Variants in PLCB4 observed in about 807,000 individuals in gnomAD.
PLCB4 encodes phospholipase C beta 4, also known as 1-phosphatidylinositol 4,5-bisphosphate phosphodiesterase beta-4.
Under a neutral mutation model 178.8 loss-of-function variants are expected in PLCB4, and 77 were observed. The observed-to-expected ratio is 0.43, with a 90% confidence interval of 0.36 to 0.52. The LOEUF (loss-of-function observed/expected upper bound fraction) is 0.52. PLCB4 is among the 20% of genes least tolerant of loss of function. PLCB4 has a pLI of 0.00. For missense variants in PLCB4, 1,024 were observed against 1,453.4 expected, an observed-to-expected ratio of 0.70 and a Z score of 4.80; for synonymous variants, 496 against 490.8, an observed-to-expected ratio of 1.01 and a Z score of -0.14.
chr20:9,076,227 G>T (rs1288498171), intron 1 of PLCB4, among the ~76,000 whole-genome samples: 2 of 152,086 alleles, frequency 1.3e-5, no homozygotes, highest in African/African-American at 2.4e-5. Flanking sequence ...AGCACTTTGG[G>T]AGGCCGAGGT....
intron 2 of PLCB4, among the ~76,000 whole-genome samples, chr20:9,123,963 C>T (rs1420669397): frequency 6.6e-6 from 1 of 152,016 alleles, no homozygotes; most frequent in Non-Finnish European, 1.5e-5. Flanking sequence ...CAGGCAATAC[C>T]TAAGTGAGTG....
At chr20:9,463,063 G>T (rs1175368085) in intron 35 of PLCB4, among the ~76,000 whole-genome samples, 1 of 152,138 alleles carries the variant, frequency 6.6e-6, no homozygotes. Context: ...ACTAACAGCG[G>T]ACCTCTCGGC....
chr20:9,102,235 C>T (rs1264734749), intron 2 of PLCB4, among the ~76,000 whole-genome samples: 1 of 152,160 alleles, frequency 6.6e-6, no homozygotes, highest in African/African-American at 2.4e-5. Context: ...ACTAATTTTG[C>T]TTCATAAATG....
At chr20:9,364,392 C>T (rs1229676259) in intron 8 of PLCB4, among the ~76,000 whole-genome samples, 1 of 152,196 alleles carries the variant, frequency 6.6e-6, no homozygotes, top group Non-Finnish European at 1.5e-5. Flanking sequence ...AGAATGGGCT[C>T]ACCAAGGGCT....
chr20:9,085,086 T>G lies in PLCB4; in HGVS notation c.-134-11201T>G, dbSNP rs540073487. On this transcript the variant is annotated intron_variant, in intron 1 of 39. Transcript: ENST00000378473. Reference sequence around the variant, plus strand: ...AAAAAAAAGAATATATTACTTTTTCTTTTTCCAATATTATTACTTGAGTGA... The same window carrying G: ...AAAAAAAAGAATATATTACTTTTTCGTTTTCCAATATTATTACTTGAGTGA... Among the ~76,000 whole-genome samples the G allele has an allele frequency of 2.6e-5, 4 of 152,216 alleles. No homozygotes were observed. The East Asian group carries it at 7.7e-4, about 29-fold the overall frequency.
intron 2 of PLCB4, among the ~76,000 whole-genome samples, chr20:9,129,325 C>T (rs1209150170): frequency 6.6e-6 from 1 of 152,136 alleles, no homozygotes; most frequent in Non-Finnish European, 1.5e-5. Flanking sequence ...TACCAGGTCC[C>T]TTGCTTCTGG....
intron 2 of PLCB4, among the ~76,000 whole-genome samples, chr20:9,204,862 G>A (rs1003367706): frequency 1.4e-4 from 21 of 151,510 alleles, no homozygotes; most frequent in African/African-American, 4.6e-4. Flanking sequence ...ATTGAGATGT[G>A]TTGTAGCAGA....
At position 9,257,330 on chromosome 20, in the gene PLCB4, A is replaced by G. The variant is rs147634858; in HGVS notation, c.-16+39878A>G. ...ACACAAGTGAGAATAGTGTGAAAAT[A>G]AATACATTCATTTATTGGTTAAGCT... On this transcript the variant is annotated intron_variant, in intron 3 of 39. Coordinates refer to ENST00000378473, the MANE Select transcript of PLCB4 (RefSeq NM_001377142.1). Among the ~76,000 whole-genome samples, 118 of 152,328 alleles carry G rather than the reference A, an allele frequency of 7.7e-4. 2 individuals carry two copies. The highest frequency in any genetic ancestry group is 2.7e-3 in the African/African-American group (111 of 41,582).
intron 2 of PLCB4, among the ~76,000 whole-genome samples, chr20:9,129,199 G>T (rs970912836): frequency 2.0e-5 from 3 of 152,022 alleles, no homozygotes; most frequent in Non-Finnish European, 4.4e-5. Flanking sequence ...ATTTCCAACT[G>T]CCTGCATCTG....
intron 2 of PLCB4, among the ~76,000 whole-genome samples, chr20:9,100,975 T>C (rs1397457302): frequency 1.3e-5 from 2 of 152,174 alleles, no homozygotes; most frequent in African/African-American, 2.4e-5. Context: ...TTTATGTGGG[T>C]AGGCTGCCCG....
At chr20:9,478,429 T>A (rs745607819) in intron 39 of PLCB4, among the ~76,000 whole-genome samples, 32 of 152,200 alleles carry the variant, frequency 2.1e-4, no homozygotes, top group Admixed American at 4.6e-4. Flanking sequence ...AACTTCTCTA[T>A]CAATTAGATT....
chr20:9,476,355 T>C (rs1043200870), intron 38 of PLCB4, among the ~76,000 whole-genome samples: 1 of 151,728 alleles, frequency 6.6e-6, no homozygotes, highest in Non-Finnish European at 1.5e-5. Context: ...TTTCAAACAT[T>C]AACGACTCCA....
At chr20:9,301,598 A>C (rs1386785062) in intron 3 of PLCB4, among the ~76,000 whole-genome samples, 1 of 152,018 alleles carries the variant, frequency 6.6e-6, no homozygotes, top group Non-Finnish European at 1.5e-5. Flanking sequence ...TCCTTGGTTC[A>C]CCCCAACCGA....
At chr20:9,081,171 A>G (rs538547454) in intron 1 of PLCB4, among the ~76,000 whole-genome samples, 1 of 152,332 alleles carries the variant, frequency 6.6e-6, no homozygotes, top group African/African-American at 2.4e-5. Flanking sequence ...GGAGGAGACA[A>G]ATAGACACTA....
intron 2 of PLCB4, among the ~76,000 whole-genome samples, chr20:9,168,797 T>C (rs1052015078): frequency 7.9e-5 from 12 of 152,174 alleles, no homozygotes; most frequent in African/African-American, 2.9e-4. Flanking sequence ...GTGGCTGATA[T>C]AACTGATGAT....
At chr20:9,257,824 C>A (rs2094252649) in intron 3 of PLCB4, among the ~76,000 whole-genome samples, 2 of 152,036 alleles carry the variant, frequency 1.3e-5, no homozygotes, top group Non-Finnish European at 2.9e-5. Context: ...AAACAGAAAT[C>A]AGAGAAGAGA....
intron 2 of PLCB4, among the ~76,000 whole-genome samples, chr20:9,118,533 TTTAA>T (rs1392254287): frequency 6.6e-6 from 1 of 152,144 alleles, no homozygotes. Flanking sequence ...ACATTCTTTT[TTTAA>T]TTAAGTCTTC....
rs1476588495 is a variant in PLCB4 at position 9,217,424 on chromosome 20, A to C, written c.-44A>C. 1 of 152,224 alleles carries C rather than the reference A, an allele frequency of 6.6e-6. No individual in the cohort carries two copies. Among genetic ancestry groups the C allele is most frequent in the Non-Finnish European group, 1.5e-5 (1 of 68,054 alleles). The allele number at this position is 152,224 out of a possible 1,614,324, so 9.4% of individuals were successfully genotyped here. A position where few individuals can be genotyped will look rare whatever the true frequency, so the allele number is the denominator to read the frequency against. ...CTGCTGTGAGTTTGACGAAGTGGAC[A>C]TCACCTGCAGTCAGTCCAGAGCTGC... On this transcript the variant is annotated 5_prime_UTR_variant, in exon 3 of 40. Coordinates refer to ENST00000378473, the MANE Select transcript of PLCB4 (RefSeq NM_001377142.1).
At chr20:9,163,538 T>A (rs2092922339) in intron 2 of PLCB4, among the ~76,000 whole-genome samples, 1 of 151,372 alleles carries the variant, frequency 6.6e-6, no homozygotes, top group African/African-American at 2.5e-5. Flanking sequence ...GTATCCTCCA[T>A]GTTTTTTTTT....
Sources: gnomAD v4.1 joint callset for allele counts (sites outside exome capture counted in the v4.1 genomes callset) on GRCh38, gnomAD v4.1.1 for gene constraint, MANE v1.5 for transcripts, NCBI Gene and HGNC (gene_info 2026-07-23, HGNC 2026-07-21) for gene names.